PAPSS2: variants seen among roughly 807,000 people sequenced by gnomAD.
PAPSS2 encodes 3'-phosphoadenosine 5'-phosphosulfate synthase 2, also known as bifunctional 3'-phosphoadenosine 5'-phosphosulfate synthase 2.
A neutral mutation model predicts 66.5 loss-of-function variants in PAPSS2; 61 were observed. That is an observed-to-expected ratio of 0.92 (90% CI 0.75 to 1.14). The LOEUF is 1.14. Ranked by LOEUF, PAPSS2 falls within the 50% of genes most tolerant of loss-of-function variation. The probability of loss-of-function intolerance (pLI) is 0.00; values close to 1 mark genes in which losing one functional copy is unlikely to be tolerated. For missense variants in PAPSS2, 708 were observed against 789.6 expected (o/e 0.90, Z 1.24); for synonymous variants, 289 against 287.5 (o/e 1.01, Z -0.05).
chr10:87,690,163 G>A (rs1479605442), intron 1 of PAPSS2, among the ~76,000 whole-genome samples: 1 of 152,086 alleles, frequency 6.6e-6, no homozygotes, highest in Non-Finnish European at 1.5e-5. Flanking sequence ...TGCAATGTTT[G>A]TAATAATAAA....
chr10:87,737,962 A>G (rs1490965865), intron 9 of PAPSS2, among the ~76,000 whole-genome samples: 1 of 152,226 alleles, frequency 6.6e-6, no homozygotes, highest in Non-Finnish European at 1.5e-5. Context: ...TATAAGTGGA[A>G]TCATGTAATA....
At chr10:87,745,668 C>T (rs532670712) in intron 12 of PAPSS2, among the ~76,000 whole-genome samples, 164 bp from the exon 13 acceptor site, 1 of 152,328 alleles carries the variant, frequency 6.6e-6, no homozygotes, top group East Asian at 1.9e-4. Context: ...CCATTATTTC[C>T]CTTCTCTTCT....
At chr10:87,687,718 G>A (rs1407732585) in intron 1 of PAPSS2, among the ~76,000 whole-genome samples, 2 of 152,054 alleles carry the variant, frequency 1.3e-5, no homozygotes, top group African/African-American at 4.8e-5. Flanking sequence ...TTGAGGTGAT[G>A]GAATGCTTAC....
intron 1 of PAPSS2, among the ~76,000 whole-genome samples, chr10:87,695,719 A>C (rs1234929868): frequency 1.3e-5 from 2 of 152,222 alleles, no homozygotes; most frequent in Non-Finnish European, 2.9e-5. Flanking sequence ...GGATGTGCGG[A>C]TACATAATTA....
intron 1 of PAPSS2, among the ~76,000 whole-genome samples, chr10:87,693,285 C>T (rs1392603337): frequency 6.6e-6 from 1 of 152,196 alleles, no homozygotes; most frequent in Admixed American, 6.5e-5. Flanking sequence ...TACCTGAGAG[C>T]ATGATGAGTT....
intron 9 of PAPSS2, among the ~76,000 whole-genome samples, chr10:87,735,151 A>T (rs1853781433): frequency 6.6e-6 from 1 of 152,062 alleles, no homozygotes; most frequent in Non-Finnish European, 1.5e-5. Flanking sequence ...TGTCTTTGGC[A>T]GGAAGCTTGG....
At chr10:87,671,693 G>A (rs1293236690) in intron 1 of PAPSS2, among the ~76,000 whole-genome samples, 1 of 152,106 alleles carries the variant, frequency 6.6e-6, no homozygotes, top group African/African-American at 2.4e-5. Context: ...CCATTGCTCA[G>A]CACAGAATGT....
In PAPSS2 at chr10:87,741,250, G is replaced by A; in HGVS notation, c.1102G>A (p.Gly368Arg). 6.2e-7 allele frequency: 1 copy of A among 1,613,700 alleles called. No individual in the cohort carries two copies. The highest frequency in any genetic ancestry group is 8.5e-7 in the Non-Finnish European group (1 of 1,179,578). Residue 368 changes from glycine to arginine, a missense_variant, in exon 10 of 13, where the codon GGG becomes AGG. By Grantham distance (125) the Gly-to-Arg change is moderately radical. Transcript: ENST00000456849. ...HPHIKMVMES[G>R]DWLVGGDLQV... is the part of the protein sequence containing the mutation. The stretch of plus-strand genomic sequence containing the variant: ...TTCTTTCTAGATGGTGATGGAAAGT[G>A]GGGACTGGCTGGTTGGTGGAGACCT...
intron 8 of PAPSS2, 84 bp downstream of exon 8, chr10:87,721,854 A>G: frequency 1.2e-6 from 1 of 811,510 alleles, no homozygotes; most frequent in East Asian, 2.7e-5. Context: ...ACATAACTAA[A>G]AGAAAATCTA....
Position 87,745,205 on chromosome 10 carries a change from A to G in PAPSS2, c.1695A>G (p.Lys565=), listed in dbSNP as rs1451668039. The change falls in exon 12 of 13, where the codon AAA becomes AAG. Residue 565 remains lysine, a synonymous_variant. Coordinates refer to ENST00000456849, the MANE Select transcript of PAPSS2 (RefSeq NM_001015880.2). ...TGGCTGCCTACAACAAAGCCAAAAA[A>G]GCCATGGACTTCTATGATCCAGCAA... is the stretch of plus-strand genomic sequence containing the variant. ...FRVAAYNKAK[K]AMDFYDPARH... The G allele has an allele frequency of 1.2e-6, 2 of 1,613,670 alleles. No individual in the cohort carries two copies. The highest frequency in any genetic ancestry group is 3.3e-5 in the Admixed American group (2 of 59,974).
intron 1 of PAPSS2, among the ~76,000 whole-genome samples, chr10:87,668,573 A>G (rs1852840292): frequency 1.3e-5 from 2 of 152,052 alleles, no homozygotes; most frequent in East Asian, 1.9e-4. Flanking sequence ...AAAATTCCCA[A>G]TTGACTTTTC....
chr10:87,676,014 C>T (rs567182782), intron 1 of PAPSS2, among the ~76,000 whole-genome samples: 1 of 146,892 alleles, frequency 6.8e-6, no homozygotes, highest in Admixed American at 6.8e-5. Flanking sequence ...CATTTCCCAG[C>T]CAGTGCAGTC....
intron 10 of PAPSS2, among the ~76,000 whole-genome samples, chr10:87,742,377 C>A (rs1853880487): frequency 6.6e-6 from 1 of 152,180 alleles, no homozygotes; most frequent in African/African-American, 2.4e-5. Context: ...CTGCAGATTA[C>A]AGTGGCTACC....
At chr10:87,727,660 G>A (rs1194024523) in intron 9 of PAPSS2, among the ~76,000 whole-genome samples, 171 bp downstream of exon 9, 1 of 152,198 alleles carries the variant, frequency 6.6e-6, no homozygotes, top group Non-Finnish European at 1.5e-5. Flanking sequence ...TTAGAAAGGT[G>A]CAAAGAAATG....
chr10:87,721,697 G>C (rs1042362724), intron 7 of PAPSS2, 59 bp from the exon 8 acceptor site: 2 of 1,243,142 alleles, frequency 1.6e-6, no homozygotes, highest in Non-Finnish European at 2.3e-6. Context: ...CATTGTTGCT[G>C]TAAGATTCGT....
In PAPSS2 at chr10:87,709,216, C is replaced by G. The variant is rs377323889; in HGVS notation, c.48C>G (p.Thr16=). Residue 16 remains threonine (T), a synonymous_variant, in exon 2 of 13, where the codon ACC becomes ACG. Transcript: ENST00000456849. ...TATAGGAGAACCAGCAGAAATCCACCAATGTAGTCTATCAGGCCCACCATG... is the reference window on the plus strand; with the variant it reads ...TATAGGAGAACCAGCAGAAATCCACGAATGTAGTCTATCAGGCCCACCATG... ...KQKTENQQKS[T]NVVYQAHHVS... The G allele has an allele frequency of 1.2e-6, 2 of 1,612,382 alleles. No individual in the cohort carries two copies. Among genetic ancestry groups the G allele is most frequent in the Non-Finnish European group, 1.7e-6 (2 of 1,178,706 alleles).
chr10:87,686,751 A>C (rs1330764271), intron 1 of PAPSS2, among the ~76,000 whole-genome samples: 1 of 152,238 alleles, frequency 6.6e-6, no homozygotes, highest in Non-Finnish European at 1.5e-5. Context: ...CTTTTAAACC[A>C]TCCCTTCTGA....
Position 87,741,223 on chromosome 10 carries a change from T to C in PAPSS2, c.1087-12T>C, listed in dbSNP as rs757649422. On this transcript the variant is annotated splice_polypyrimidine_tract_variant and intron_variant, in intron 9 of 12. Transcript: ENST00000456849. ...AATTAATCATTAGCAATCATAACAA[T>C]GTTCTTTCTAGATGGTGATGGAAAG... 1.4e-5 allele frequency: 22 copies of C among 1,613,346 alleles called. No individual in the cohort carries two copies. The highest frequency in any genetic ancestry group is 1.9e-5 in the Non-Finnish European group (22 of 1,179,324).
Position 87,670,349 on chromosome 10 carries a change from C to T in PAPSS2, c.27+10341C>T, listed in dbSNP as rs532086941. Among the ~76,000 whole-genome samples, 5 of 152,268 alleles carry T rather than the reference C, an allele frequency of 3.3e-5. No individual in the cohort carries two copies. In the South Asian group the frequency reaches 1.0e-3, roughly 32 times the overall value. ...AAAATTTGACCCAGTTCAAGGTCGA[C>T]GCTTAAGGATGTTGTCAACCGATCA... On this transcript the variant is annotated intron_variant, in intron 1 of 12. Transcript: ENST00000456849.
Sources: allele counts gnomAD v4.1 joint callset (sites outside exome capture counted in the v4.1 genomes callset), GRCh38; gene constraint gnomAD v4.1.1; transcripts MANE v1.5; gene names NCBI Gene and HGNC (gene_info 2026-07-23, HGNC 2026-07-21).